SLC4A4: variants seen among roughly 807,000 people sequenced by gnomAD.
SLC4A4 encodes the protein solute carrier family 4 member 4, also known as electrogenic sodium bicarbonate cotransporter 1.
A neutral mutation model predicts 111.5 loss-of-function variants in SLC4A4; 27 were observed. That is an observed-to-expected ratio of 0.24 (90% CI 0.18 to 0.33). The LOEUF is 0.33. Ranked by LOEUF, SLC4A4 falls within the 10% of genes least tolerant of loss-of-function variation. SLC4A4 has a pLI of 1.00. For missense variants in SLC4A4, 909 were observed against 1,315.5 expected (o/e 0.69, Z 4.78); for synonymous variants, 443 against 463.4 (o/e 0.96, Z 0.57).
At chr4:71,320,049 C>T (rs977464217) in intron 3 of SLC4A4, among the ~76,000 whole-genome samples, 3 of 151,994 alleles carry the variant, frequency 2.0e-5, no homozygotes, top group African/African-American at 4.8e-5. Flanking sequence ...GCTGCAAACA[C>T]TTCATTGATT....
At chr4:71,337,414 G>A (rs1272513948) in intron 3 of SLC4A4, among the ~76,000 whole-genome samples, 1 of 152,056 alleles carries the variant, frequency 6.6e-6, no homozygotes, top group Non-Finnish European at 1.5e-5. Flanking sequence ...TGTCAAAAAA[G>A]TCCAGCTATT....
chr4:71,450,588 T>TGAGAAGGA (rs1269764280), intron 10 of SLC4A4, 45 bp downstream of exon 10: 1 of 1,578,002 alleles, frequency 6.3e-7, no homozygotes, highest in African/African-American at 1.3e-5. Flanking sequence ...GAGATGACTC[T>TGAGAAGGA]GAGAAGGAGG....
intron 2 of SLC4A4, among the ~76,000 whole-genome samples, chr4:71,165,908 G>T (rs1299413303): frequency 2.0e-5 from 3 of 152,058 alleles, no homozygotes; most frequent in Non-Finnish European, 4.4e-5. Context: ...AGCACATGTA[G>T]TTACTGTTTT....
intron 3 of SLC4A4, among the ~76,000 whole-genome samples, chr4:71,263,778 C>T (rs1376183361): frequency 6.6e-6 from 1 of 151,846 alleles, no homozygotes; most frequent in Non-Finnish European, 1.5e-5. Context: ...GTTTTTAAAA[C>T]AGAGATGAAA....
At chr4:71,359,116 G>C (rs1730537531) in intron 6 of SLC4A4, among the ~76,000 whole-genome samples, 1 of 152,218 alleles carries the variant, frequency 6.6e-6, no homozygotes, top group African/African-American at 2.4e-5. Flanking sequence ...TTGGCGGCCA[G>C]AATCTTGTGC....
intron 1 of SLC4A4, among the ~76,000 whole-genome samples, chr4:71,222,283 T>C (rs1052784239): frequency 9.2e-5 from 14 of 152,218 alleles, no homozygotes; most frequent in African/African-American, 3.4e-4. Flanking sequence ...TCAGGGCCTT[T>C]GCATTTGCTG....
intron 22 of SLC4A4, among the ~76,000 whole-genome samples, chr4:71,559,754 A>C (rs1179510474): frequency 2.0e-5 from 3 of 151,920 alleles, no homozygotes; most frequent in Admixed American, 2.0e-4. Context: ...CTATTTTTTT[A>C]CTTTAAACTT....
intron 2 of SLC4A4, among the ~76,000 whole-genome samples, chr4:71,158,544 G>A (rs1162541472): frequency 6.6e-6 from 1 of 152,120 alleles, no homozygotes; most frequent in Non-Finnish European, 1.5e-5. Context: ...CTTTCCCTCA[G>A]CCACTTACTT....
chr4:71,461,242 C>A (rs1024616572), intron 12 of SLC4A4, among the ~76,000 whole-genome samples: 1 of 152,062 alleles, frequency 6.6e-6, no homozygotes, highest in Non-Finnish European at 1.5e-5. Flanking sequence ...AATGCTTTAT[C>A]ATTTGATGCC....
chr4:71,083,210 A>G (rs987024923), intron 1 of SLC4A4, among the ~76,000 whole-genome samples: 1 of 151,880 alleles, frequency 6.6e-6, no homozygotes, highest in Non-Finnish European at 1.5e-5. Flanking sequence ...ATTATTTAAT[A>G]TTATTTTATG....
intron 1 of SLC4A4, among the ~76,000 whole-genome samples, chr4:71,212,499 A>T (rs538300457): frequency 6.2e-4 from 94 of 152,334 alleles, no homozygotes; most frequent in African/African-American, 2.2e-3. Context: ...AGAGGGGCTC[A>T]CCAGAAATGA....
At chr4:71,262,092 G>C (rs909737765) in intron 3 of SLC4A4, among the ~76,000 whole-genome samples, 1 of 152,186 alleles carries the variant, frequency 6.6e-6, no homozygotes, top group Non-Finnish European at 1.5e-5. Context: ...AAATTTACAA[G>C]GCAGGAAGCT....
chr4:71,121,966 C>T (rs902032372), intron 2 of SLC4A4, among the ~76,000 whole-genome samples: 10 of 152,082 alleles, frequency 6.6e-5, no homozygotes, highest in Non-Finnish European at 8.8e-5. Flanking sequence ...TGAACAACTC[C>T]AGACGCGCTT....
chr4:71,487,654 A>G (rs769012533), intron 15 of SLC4A4, among the ~76,000 whole-genome samples: 19 of 151,642 alleles, frequency 1.3e-4, no homozygotes, highest in Non-Finnish European at 2.4e-4. Context: ...TTCTATGCTG[A>G]ACATGGAATC....
At chr4:71,426,703 A>G (rs558735740) in intron 7 of SLC4A4, among the ~76,000 whole-genome samples, 2 of 152,246 alleles carry the variant, frequency 1.3e-5, no homozygotes, top group South Asian at 4.2e-4. Flanking sequence ...GGCTAATTTT[A>G]ACCTAAGAAA....
intron 3 of SLC4A4, among the ~76,000 whole-genome samples, chr4:71,284,423 T>C (rs1168284963): frequency 6.6e-6 from 1 of 152,242 alleles, no homozygotes; most frequent in Non-Finnish European, 1.5e-5. Flanking sequence ...AAAATGCCTT[T>C]CATTACATTG....
At position 71,385,095 on chromosome 4, in the gene SLC4A4, GC is replaced by G. The variant is rs1365388899; in HGVS notation, c.731-12478del. 8.9e-5 allele frequency among the ~76,000 whole-genome samples: 13 copies of G among 145,340 alleles called. No homozygotes were observed. The East Asian group carries it at 2.6e-3, about 29-fold the overall frequency. On this transcript the variant is annotated intron_variant, in intron 6 of 25. Coordinates refer to ENST00000264485, the MANE Select transcript of SLC4A4 (RefSeq NM_001098484.3). ...AATGTTAGCATCCCTACTCTTTGCT[GC>G]CCCTCTTTTTGCTGCTTCCCTTCTA...
At chr4:71,532,564 G>A (rs986356651) in intron 17 of SLC4A4, among the ~76,000 whole-genome samples, 7 of 151,968 alleles carry the variant, frequency 4.6e-5, no homozygotes, top group Non-Finnish European at 1.0e-4. Flanking sequence ...GGAGTGTGGT[G>A]GTGCAATCTC....
intron 6 of SLC4A4, among the ~76,000 whole-genome samples, chr4:71,396,849 A>G (rs1468757157): frequency 6.6e-6 from 1 of 152,204 alleles, no homozygotes; most frequent in Admixed American, 6.5e-5. Flanking sequence ...ATTGGTTCCC[A>G]TGTAGTATTC....
Sources: gnomAD v4.1 joint callset for allele counts (sites outside exome capture counted in the v4.1 genomes callset) on GRCh38, gnomAD v4.1.1 for gene constraint, MANE v1.5 for transcripts, NCBI Gene and HGNC (gene_info 2026-07-23, HGNC 2026-07-21) for gene names.